Variants in PTPRA observed in about 807,000 individuals in gnomAD.
PTPRA encodes the protein protein tyrosine phosphatase receptor type A, also known as receptor-type tyrosine-protein phosphatase alpha.
Under a neutral mutation model 104.8 loss-of-function variants are expected in PTPRA, and 25 were observed. That is an observed-to-expected ratio of 0.24 (90% CI 0.17 to 0.33). The LOEUF (loss-of-function observed/expected upper bound fraction) is 0.33, where lower values mean the gene tolerates loss of function less well. Among genes scored for constraint, PTPRA ranks in the 10% least tolerant of loss-of-function variants. PTPRA has a pLI of 1.00. For missense variants in PTPRA, 765 were observed against 1,015.3 expected (o/e 0.75, Z 3.35); for synonymous variants, 323 against 368.9 (o/e 0.88, Z 1.43).
rs181597025 is a variant in PTPRA at position 3,007,973 on chromosome 20, T to A, written c.906+553T>A. 8.3e-4 allele frequency among the ~76,000 whole-genome samples: 126 copies of A among 152,202 alleles called. 3 individuals carry two copies. Among genetic ancestry groups the A allele is most frequent in the Non-Finnish European group, 5.4e-4 (37 of 68,012 alleles). On this transcript the variant is annotated intron_variant, in intron 11 of 23. Coordinates refer to ENST00000399903, the MANE Select transcript of PTPRA (RefSeq NM_001385305.1). ...AACAGTCTGTATGAGAGATTTGAGG[T>A]TTTTGTTTGGTTGGTTTTGTCTTTG...
chr20:3,016,669 GC>G (rs2064472140), intron 12 of PTPRA, among the ~76,000 whole-genome samples: 1 of 152,228 alleles, frequency 6.6e-6, no homozygotes, highest in Non-Finnish European at 1.5e-5. Flanking sequence ...GAACCCGGGA[GC>G]CAGAGGTTGC....
At position 3,037,109 on chromosome 20, in the gene PTPRA, C is replaced by G. The variant is rs141250587; in HGVS notation, c.2199-45C>G. On this transcript the variant is annotated intron_variant, in intron 22 of 23. Transcript: ENST00000399903. The surrounding 1 kb of genome is among the most constrained non-coding windows in gnomAD (Gnocchi z 4.3). ...CACCACTGTCACTCACCCCCTTGCA[C>G]AGAGGGCCATCACAGGTGTGGTAAA... The G allele has an allele frequency of 1.3e-4, 210 of 1,602,894 alleles. 1 individual carries two copies. In the East Asian group the frequency reaches 4.7e-3, roughly 36 times the overall value.
At chr20:3,008,752 A>AC (rs2064002068) in intron 11 of PTPRA, among the ~76,000 whole-genome samples, 1 of 134,426 alleles carries the variant, frequency 7.4e-6, no homozygotes, top group South Asian at 2.1e-4. Flanking sequence ...AAACAAAAAA[A>AC]AAAAAAACAA....
chr20:3,030,428 T>A (rs957939593), intron 20 of PTPRA, among the ~76,000 whole-genome samples: 5 of 152,180 alleles, frequency 3.3e-5, no homozygotes, highest in African/African-American at 1.2e-4. Context: ...TGATGTTCTT[T>A]ACAAGGCCTC....
intron 2 of PTPRA, among the ~76,000 whole-genome samples, chr20:2,931,531 C>A (rs1329045690): frequency 6.6e-6 from 1 of 152,036 alleles, no homozygotes; most frequent in Non-Finnish European, 1.5e-5. Context: ...TTGATTTGAG[C>A]CTTTGTGTGG....
At chr20:2,951,392 G>A (rs537747032) in intron 3 of PTPRA, among the ~76,000 whole-genome samples, 2 of 152,246 alleles carry the variant, frequency 1.3e-5, no homozygotes, top group South Asian at 2.1e-4. Context: ...GAGCCACTGC[G>A]CCCAGCAACT....
At chr20:2,877,294 CTT>C (rs2089781292) in intron 1 of PTPRA, among the ~76,000 whole-genome samples, 1 of 152,126 alleles carries the variant, frequency 6.6e-6, no homozygotes, top group Non-Finnish European at 1.5e-5. Context: ...GAGTTTTGCT[CTT>C]GTTGCCCAGG....
Position 2,938,108 on chromosome 20 carries a change from C to T in PTPRA, c.-49-9874C>T, listed in dbSNP as rs944406118. On this transcript the variant is annotated intron_variant, in intron 2 of 23. Coordinates refer to ENST00000399903, the MANE Select transcript of PTPRA (RefSeq NM_001385305.1). The stretch of plus-strand genomic sequence containing the variant: ...CCAAGGTAAGAGGATTTCGTGAGTC[C>T]AGGAGTTTGAGACCAGCCTGGACAA... Among the ~76,000 whole-genome samples, 12 of 152,090 alleles carry T rather than the reference C, an allele frequency of 7.9e-5. 1 individual carries two copies. Among genetic ancestry groups the T allele is most frequent in the Admixed American group, 7.2e-4 (11 of 15,254 alleles).
At chr20:2,895,886 A>G (rs1187159595) in intron 1 of PTPRA, among the ~76,000 whole-genome samples, 1 of 151,974 alleles carries the variant, frequency 6.6e-6, no homozygotes, top group African/African-American at 2.4e-5. Context: ...TGTCTTTTTT[A>G]TGTTATGTGT....
At chr20:3,026,537 G>A in intron 17 of PTPRA, 150 bp from the exon 18 acceptor site, 1 of 617,902 alleles carries the variant, frequency 1.6e-6, no homozygotes, top group Admixed American at 2.8e-5. Flanking sequence ...CAGGGTTCCA[G>A]CTGAACATAT....
In PTPRA at chr20:3,022,054, G is replaced by A; in HGVS notation, c.1162G>A (p.Val388Met). ...YTVRKFCIQQ[V>M]GDMTNRKPQR... Reference sequence around the variant, plus strand: ...CACACAGGATCTCCTCACTTCACAGGTGGGCGACATGACCAACAGAAAGCC... The same window carrying A: ...CACACAGGATCTCCTCACTTCACAGATGGGCGACATGACCAACAGAAAGCC... Residue 388 changes from valine (V) to methionine (M), a missense_variant and splice_region_variant, in exon 15 of 24, where the codon GTG (valine) becomes ATG (methionine). Physicochemically the swap from Val to Met is conservative, Grantham distance 21. Transcript: ENST00000399903. This position sits in a 1 kb window ranked among gnomAD's most constrained non-coding sequence, Gnocchi z 4.6. The A allele has an allele frequency of 6.2e-7, 1 of 1,614,060 alleles. No homozygotes were observed. Among genetic ancestry groups the A allele is most frequent in the Non-Finnish European group, 8.5e-7 (1 of 1,179,946 alleles).
intron 1 of PTPRA, among the ~76,000 whole-genome samples, chr20:2,901,486 G>C (rs576925101): frequency 5.3e-5 from 8 of 152,122 alleles, no homozygotes; most frequent in Non-Finnish European, 1.2e-4. Context: ...AGGGAAGGAG[G>C]GGTAGTACGA....
chr20:2,910,587 T>TTG (rs1490914296), intron 1 of PTPRA, among the ~76,000 whole-genome samples: 1 of 97,850 alleles, frequency 1.0e-5, no homozygotes, highest in African/African-American at 5.6e-5. Context: ...AGTTTTTTTT[T>TTG]TGTTTTTTTT....
intron 11 of PTPRA, among the ~76,000 whole-genome samples, chr20:3,013,305 C>T (rs148711243): frequency 6.6e-6 from 1 of 152,280 alleles, no homozygotes; most frequent in East Asian, 1.9e-4. Flanking sequence ...TAACACTGTT[C>T]ACAGGAGGAG....
At chr20:2,913,109 C>T (rs2059783077) in intron 1 of PTPRA, among the ~76,000 whole-genome samples, 1 of 152,112 alleles carries the variant, frequency 6.6e-6, no homozygotes, top group Non-Finnish European at 1.5e-5. Context: ...GGCACGGTGG[C>T]TCACGCCTGT....
At chr20:2,865,176 G>T in the PTPRA span, 1 of 1,614,110 alleles carries the variant, frequency 6.2e-7, no homozygotes, top group Non-Finnish European at 8.5e-7. This position sits in a 1 kb window ranked among gnomAD's most constrained non-coding sequence, Gnocchi z 5.2. Flanking sequence ...CGGCTCCTAC[G>T]GCTGCAGCGG....
At chr20:3,012,016 T>A (rs953420753) in intron 11 of PTPRA, among the ~76,000 whole-genome samples, 1 of 152,166 alleles carries the variant, frequency 6.6e-6, no homozygotes, top group African/African-American at 2.4e-5. Context: ...GAGCATCTGC[T>A]AGGAAGAAGC....
chr20:2,979,566 G>A (rs1391041827), intron 6 of PTPRA, among the ~76,000 whole-genome samples: 3 of 152,040 alleles, frequency 2.0e-5, no homozygotes, highest in Admixed American at 6.6e-5. Flanking sequence ...ATGCTCTGTC[G>A]CCCAGGCTGG....
intron 1 of PTPRA, among the ~76,000 whole-genome samples, chr20:2,904,160 GCTTT>G (rs1451680609): frequency 6.6e-6 from 1 of 152,016 alleles, no homozygotes; most frequent in Non-Finnish European, 1.5e-5. Flanking sequence ...AAGTGATCTT[GCTTT>G]GGCCTTATAA....
Sources: gnomAD v4.1 joint callset for allele counts (sites outside exome capture counted in the v4.1 genomes callset) on GRCh38, gnomAD v4.1.1 for gene constraint, Gnocchi (gnomAD v3.1) non-coding constraint, MANE v1.5 for transcripts, NCBI Gene and HGNC (gene_info 2026-07-23, HGNC 2026-07-21) for gene names.